The following DYSF variants were observed in gnomAD, a reference collection of about 807,000 sequenced individuals.
DYSF encodes the protein dysferlin.
A neutral mutation model predicts 274.9 loss-of-function variants in DYSF; 212 were observed. That is an observed-to-expected ratio of 0.77 (90% CI 0.69 to 0.86). The LOEUF (loss-of-function observed/expected upper bound fraction) is 0.86, where lower values mean the gene tolerates loss of function less well. Among genes scored for constraint, DYSF ranks in the 40% least tolerant of loss-of-function variants. The pLI is 0.00. For missense variants in DYSF, 2,666 were observed against 2,783.2 expected (o/e 0.96, Z 0.95); for synonymous variants, 1,091 against 1,078.7 (o/e 1.01, Z -0.22).
intron 38 of DYSF, among the ~76,000 whole-genome samples, chr2:71,612,279 G>A (rs1023866461): frequency 6.6e-6 from 1 of 152,296 alleles, no homozygotes; most frequent in South Asian, 2.1e-4. Flanking sequence ...GGGTCTGTAA[G>A]CCAACTCTTG....
intron 31 of DYSF, among the ~76,000 whole-genome samples, chr2:71,589,952 T>C (rs1033281678): frequency 1.3e-5 from 2 of 152,128 alleles, no homozygotes; most frequent in Admixed American, 1.3e-4. Context: ...CCATTGTCTA[T>C]TTGGCCTCCC....
chr2:71,559,729 C>G (rs2091595778), intron 22 of DYSF, among the ~76,000 whole-genome samples: 1 of 152,226 alleles, frequency 6.6e-6, no homozygotes, highest in Admixed American at 6.5e-5. Context: ...AGGTGCAGCT[C>G]AGGGCCACTT....
chr2:71,601,897 T>C (rs1012739125), intron 35 of DYSF, among the ~76,000 whole-genome samples: 4 of 152,236 alleles, frequency 2.6e-5, no homozygotes, highest in African/African-American at 7.2e-5. Flanking sequence ...GTTCTGAAAG[T>C]GTGGCCCATT....
intron 11 of DYSF, 60 bp downstream of exon 11, chr2:71,520,268 CA>C: frequency 6.3e-7 from 1 of 1,578,438 alleles, no homozygotes; most frequent in Non-Finnish European, 8.7e-7. Context: ...TGATTGGGGA[CA>C]CTCATTTGGG....
At chr2:71,558,698 T>C (rs899507521) in intron 22 of DYSF, among the ~76,000 whole-genome samples, 1 of 152,084 alleles carries the variant, frequency 6.6e-6, no homozygotes, top group Non-Finnish European at 1.5e-5. Flanking sequence ...TCTGGCGCCT[T>C]TGAGTCACTC....
chr2:71,590,412 G>GA (rs2093227393), intron 32 of DYSF, 124 bp downstream of exon 32: 2 of 1,037,806 alleles, frequency 1.9e-6, no homozygotes, highest in Non-Finnish European at 3.0e-6. Flanking sequence ...CTGTCACCAG[G>GA]GTCCTGTGGC....
intron 45 of DYSF, among the ~76,000 whole-genome samples, chr2:71,663,167 G>T (rs1026940557): frequency 6.6e-6 from 1 of 152,158 alleles, no homozygotes; most frequent in Admixed American, 6.5e-5. Context: ...GCTGGGGAGA[G>T]GGCCCGTCTC....
chr2:71,462,131 C>G (rs1025375461), upstream of DYSF, among the ~76,000 whole-genome samples: 4 of 152,214 alleles, frequency 2.6e-5, no homozygotes, highest in Non-Finnish European at 5.9e-5. Context: ...GTGCTCAGCT[C>G]TCAGTACCAG....
At chr2:71,664,156 A>G (rs2094954017) in intron 45 of DYSF, 112 bp from the exon 46 acceptor site, 3 of 1,368,640 alleles carry the variant, frequency 2.2e-6, no homozygotes, top group Non-Finnish European at 3.1e-6. Context: ...TAAGATCTGT[A>G]GGGGGCCCAA....
chr2:71,541,880 C>G (rs73941461), intron 17 of DYSF, among the ~76,000 whole-genome samples: 3,904 of 152,006 alleles, frequency 0.026, 174 homozygotes, highest in African/African-American at 0.088. Context: ...AGGAATTTAT[C>G]TTTTTTCTTA....
intron 2 of DYSF, 32 bp from the exon 3 acceptor site, chr2:71,481,846 TA>T: frequency 1.3e-6 from 2 of 1,576,772 alleles, no homozygotes; most frequent in Non-Finnish European, 1.7e-6. Context: ...TAGAGGGCCA[TA>T]GGTTAAGATG....
chr2:71,454,022 T>G lies in DYSF; in HGVS notation c.24T>G (p.Tyr8Ter), dbSNP rs2080944539. 3 of 1,614,160 alleles carry G rather than the reference T, an allele frequency of 1.9e-6. No individual in the cohort carries two copies. In the East Asian group the frequency reaches 6.7e-5, roughly 36 times the overall value. The change falls in exon 1 of 55, where the codon TAT (tyrosine) becomes TAG (stop). Residue 8 changes from tyrosine (Y) to a stop codon, truncating the protein, a stop_gained. Transcript: ENST00000258104. LOFTEE classifies it high-confidence loss of function. ...GCATGCTGAGGGTCTTCATCCTCTATGCCGAGAACGTCCACACACCCGACA... is the reference window on the plus strand; with the variant it reads ...GCATGCTGAGGGTCTTCATCCTCTAGGCCGAGAACGTCCACACACCCGACA...
chr2:71,515,628 G>T lies in DYSF; in HGVS notation c.765G>T (p.Arg255Ser). The change falls in exon 8 of 56, where the codon AGG becomes AGT. Residue 255 changes from arginine (R) to serine (S), a missense_variant. By Grantham distance (110) the Arg-to-Ser change is moderately radical (BLOSUM62 -1). Coordinates refer to ENST00000410020, the MANE Select transcript of DYSF (RefSeq NM_001130987.2). ...LSDKPQDFQI[R>S]VQVIEGRQLP... is the part of the protein sequence containing the mutation. ...TTCCTCCTTCTGGCTTTCAGATCAG[G>T]GTCCAGGTGATCGAGGGGCGCCAGC... 2 of 1,613,804 alleles carry T rather than the reference G, an allele frequency of 1.2e-6. No individual in the cohort carries two copies. Among genetic ancestry groups the T allele is most frequent in the Middle Eastern group, 1.7e-4 (1 of 6,056 alleles).
intron 1 of DYSF, among the ~76,000 whole-genome samples, chr2:71,459,864 C>A (rs1053636143): frequency 6.6e-6 from 1 of 151,492 alleles, no homozygotes; most frequent in African/African-American, 2.4e-5. Flanking sequence ...GCTTTAGTCC[C>A]CTTCCCCCTT....
intron 51 of DYSF, among the ~76,000 whole-genome samples, chr2:71,672,315 T>A (rs1483465412): frequency 6.6e-6 from 1 of 151,774 alleles, no homozygotes; most frequent in Non-Finnish European, 1.5e-5. Context: ...GGCTGAAGGA[T>A]CGAGTCTGGA....
At position 71,674,300 on chromosome 2, in the gene DYSF, A is replaced by C. The variant is rs1441518171; in HGVS notation, c.5884+4A>C. The C allele has an allele frequency of 6.2e-7, 1 of 1,614,018 alleles. No individual in the cohort carries two copies. The highest frequency in any genetic ancestry group is 8.5e-7 in the Non-Finnish European group (1 of 1,179,832). ...TTCTCCTTTGATGATTTTCTGGGTA[A>C]GCGCTATTGCTAGAATCCCATTCTG... On this transcript the variant is annotated splice_donor_region_variant and intron_variant, in intron 52 of 55. Transcript: ENST00000410020.
intron 22 of DYSF, among the ~76,000 whole-genome samples, chr2:71,560,699 G>T (rs191791076): frequency 2.0e-5 from 3 of 152,330 alleles, no homozygotes; most frequent in East Asian, 1.9e-4. Flanking sequence ...CGCTCCGGCG[G>T]TAATTGGTTC....
Position 71,500,702 on chromosome 2 carries a change from G to A in DYSF, c.240-2512G>A, listed in dbSNP as rs369621156. Among the ~76,000 whole-genome samples the A allele has an allele frequency of 5.9e-4, 90 of 152,214 alleles. 2 individuals carry two copies. In the South Asian group the frequency reaches 0.018, roughly 30 times the overall value. On this transcript the variant is annotated intron_variant, in intron 3 of 55. Coordinates refer to ENST00000410020, the MANE Select transcript of DYSF (RefSeq NM_001130987.2). Reference sequence around the variant, plus strand: ...ACCCTATGACCTGGCTGCTAACTCTGCTCTGCTCAGTCCTGAGGGCTCCTA... The same window carrying A: ...ACCCTATGACCTGGCTGCTAACTCTACTCTGCTCAGTCCTGAGGGCTCCTA...
intron 36 of DYSF, chr2:71,610,917 T>G: frequency 2.5e-6 from 1 of 400,602 alleles, no homozygotes; most frequent in South Asian, 2.1e-5. Context: ...GCATATGCTG[T>G]GTGCGTATCA....
Sources: allele counts gnomAD v4.1 joint callset (sites outside exome capture counted in the v4.1 genomes callset), GRCh38; gene constraint gnomAD v4.1.1; transcripts MANE v1.5; gene names NCBI Gene and HGNC (gene_info 2026-07-23, HGNC 2026-07-21).